DNAH11: variants seen among roughly 807,000 people sequenced by gnomAD.
DNAH11 encodes dynein axonemal heavy chain 11, also known as axonemal beta dynein heavy chain 11.
DNAH11 carries 442 observed loss-of-function variants against 526.0 expected under a neutral mutation model. That is an observed-to-expected ratio of 0.84 (90% CI 0.78 to 0.91). DNAH11 has a LOEUF of 0.91. DNAH11 is among the 40% of genes least tolerant of loss of function. DNAH11 has a pLI of 0.00. For synonymous variants in DNAH11, 2,461 were observed against 1,935.9 expected (o/e 1.27, Z -7.12); for missense variants, 6,989 against 5,448.7 (o/e 1.28, Z -8.90).
chr7:21,864,259 G>C (rs757268280), intron 69 of DNAH11, among the ~76,000 whole-genome samples: 4 of 152,126 alleles, frequency 2.6e-5, no homozygotes, highest in Non-Finnish European at 5.9e-5. Flanking sequence ...CACTTAATAC[G>C]AATGCATATT....
rs753357981 is a variant in DNAH11, at chr7:21,570,160, C to T, written c.1286C>T (p.Thr429Ile). Residue 429 changes from threonine (T) to isoleucine (I), a missense_variant, in exon 7 of 82, where the codon ACT becomes ATT. Transcript: ENST00000409508. ...CAGGTGGCTGTTAACATCTTAAAGA[C>T]TTTCAAAAACTCCTTTTTCAACTAT... ...KVQVAVNILK[T>I]FKNSFFNYRK... The T allele has an allele frequency of 8.7e-6, 14 of 1,613,286 alleles. No homozygotes were observed. The highest frequency in any genetic ancestry group is 1.2e-5 in the Non-Finnish European group (14 of 1,179,688).
chr7:21,765,027 C>G (rs1175396854), intron 54 of DNAH11, among the ~76,000 whole-genome samples: 1 of 152,056 alleles, frequency 6.6e-6, no homozygotes, highest in Non-Finnish European at 1.5e-5. Context: ...CTTTATGGAA[C>G]CTGATGAATT....
intron 55 of DNAH11, 76 bp from the exon 56 acceptor site, chr7:21,773,690 C>T: frequency 4.0e-6 from 4 of 990,116 alleles, no homozygotes; most frequent in South Asian, 2.7e-5. Flanking sequence ...AAAAAATGAT[C>T]ATTTACTTGA....
At chr7:21,707,577 C>T in intron 39 of DNAH11, 122 bp from the exon 40 acceptor site, 1 of 1,246,122 alleles carries the variant, frequency 8.0e-7, no homozygotes, top group Non-Finnish European at 1.1e-6. Context: ...CCTTCTCGAT[C>T]TTAGCACACA....
intron 51 of DNAH11, among the ~76,000 whole-genome samples, chr7:21,747,971 T>C (rs966819053): frequency 1.7e-4 from 26 of 152,240 alleles, no homozygotes; most frequent in African/African-American, 6.3e-4. Context: ...ACACAAGGCC[T>C]TTGCATATAT....
At chr7:21,796,785 T>G (rs1012460449) in intron 61 of DNAH11, among the ~76,000 whole-genome samples, 1 of 152,184 alleles carries the variant, frequency 6.6e-6, no homozygotes, top group African/African-American at 2.4e-5. Flanking sequence ...ACCTATAAAA[T>G]GAAAAAATCT....
At chr7:21,750,813 A>T (rs1241642882) in intron 54 of DNAH11, among the ~76,000 whole-genome samples, 1 of 152,182 alleles carries the variant, frequency 6.6e-6, no homozygotes, top group East Asian at 1.9e-4. Context: ...TGGCATTTAT[A>T]TAAAGGTCAA....
At chr7:21,764,418 C>T (rs1441989889) in intron 54 of DNAH11, among the ~76,000 whole-genome samples, 1 of 152,134 alleles carries the variant, frequency 6.6e-6, no homozygotes, top group Non-Finnish European at 1.5e-5. Context: ...GACTTAGAGG[C>T]AGCCACAAAG....
chr7:21,799,546 C>T (rs539470298), intron 61 of DNAH11, among the ~76,000 whole-genome samples: 19 of 152,230 alleles, frequency 1.2e-4, no homozygotes, highest in African/African-American at 4.3e-4. Flanking sequence ...CCATGTTGGC[C>T]AGGCTGGTCT....
At chr7:21,886,234 T>C (rs918588467) in intron 76 of DNAH11, among the ~76,000 whole-genome samples, 70 of 152,198 alleles carry the variant, frequency 4.6e-4, no homozygotes, top group African/African-American at 1.6e-3. Context: ...AATATAATCA[T>C]ATCAGTCTAA....
chr7:21,587,556 T>G (rs940178796), intron 9 of DNAH11, among the ~76,000 whole-genome samples: 1 of 152,096 alleles, frequency 6.6e-6, no homozygotes, highest in Non-Finnish European at 1.5e-5. Context: ...CCCAGGACAC[T>G]GTTGGGGGTG....
chr7:21,674,992 T>C (rs1283838421), intron 30 of DNAH11, among the ~76,000 whole-genome samples: 1 of 152,196 alleles, frequency 6.6e-6, no homozygotes, highest in Non-Finnish European at 1.5e-5. Context: ...CTCACTGCCT[T>C]CTCCAACTGC....
intron 76 of DNAH11, among the ~76,000 whole-genome samples, chr7:21,887,208 G>T (rs1784156684): frequency 6.6e-6 from 1 of 152,208 alleles, no homozygotes; most frequent in Non-Finnish European, 1.5e-5. Context: ...TGCTTTCAGT[G>T]ATATCTTGCT....
At chr7:21,647,669 G>C (rs1040020136) in intron 28 of DNAH11, among the ~76,000 whole-genome samples, 4 of 151,660 alleles carry the variant, frequency 2.6e-5, no homozygotes, top group Admixed American at 2.6e-4. Context: ...CTGACCTTGT[G>C]ATCTGCCTGC....
chr7:21,872,053 G>T (rs998082546), intron 73 of DNAH11, among the ~76,000 whole-genome samples: 1 of 141,736 alleles, frequency 7.1e-6, no homozygotes, highest in Non-Finnish European at 1.5e-5. Context: ...GAACCCAGGA[G>T]ACGGAGTTTG....
At position 21,702,505 on chromosome 7, in the gene DNAH11, CAAAA is replaced by C. The variant is rs3214246; in HGVS notation, c.6181-197_6181-194del. 7.0e-5 allele frequency among the ~76,000 whole-genome samples: 9 copies of C among 129,402 alleles called. No individual in the cohort carries two copies. The South Asian group carries it at 2.2e-3, about 32-fold the overall frequency. The allele number at this position is 129,402 out of a possible 152,430, so 84.9% of individuals were successfully genotyped here. A position where few individuals can be genotyped will look rare whatever the true frequency, so the allele number is the denominator to read the frequency against. ...GAAAGAAGAGACTTGCTGACAGAGG[CAAAA>C]AAAAAAAGGTGAAAGAAACAGGACG... On this transcript the variant is annotated intron_variant, in intron 36 of 81. Transcript: ENST00000409508.
At chr7:21,699,709 C>T (rs961020647) in intron 36 of DNAH11, among the ~76,000 whole-genome samples, 13 of 151,020 alleles carry the variant, frequency 8.6e-5, no homozygotes, top group Non-Finnish European at 1.5e-5. Context: ...TTTTAATGAG[C>T]CTATTTTAAT....
chr7:21,792,409 C>T (rs1467574012), intron 61 of DNAH11, among the ~76,000 whole-genome samples: 1 of 152,166 alleles, frequency 6.6e-6, no homozygotes, highest in Non-Finnish European at 1.5e-5. Context: ...TCAGGTAATG[C>T]AGGTCTCATC....
At chr7:21,622,983 T>G (rs1453364671) in intron 25 of DNAH11, among the ~76,000 whole-genome samples, 1 of 152,118 alleles carries the variant, frequency 6.6e-6, no homozygotes, top group Non-Finnish European at 1.5e-5. Context: ...CTAATTAAAC[T>G]GAAGAGCTTC....
Sources: allele counts gnomAD v4.1 joint callset (sites outside exome capture counted in the v4.1 genomes callset), GRCh38; gene constraint gnomAD v4.1.1; transcripts MANE v1.5; gene names NCBI Gene and HGNC (gene_info 2026-07-23, HGNC 2026-07-21).